The following NOXRED1 variants were observed in gnomAD, a reference collection of about 807,000 sequenced individuals.
The protein encoded by NOXRED1 is NADP dependent oxidoreductase domain containing 1.
A neutral mutation model predicts 30.4 loss-of-function variants in NOXRED1; 20 were observed. The observed-to-expected ratio is 0.66, with a 90% CI of 0.46 to 0.96. The LOEUF is 0.96. Ranked by LOEUF, NOXRED1 falls within the 40% of genes least tolerant of loss-of-function variation. The pLI is 0.00. For missense variants in NOXRED1, 374 were observed against 428.0 expected, an observed-to-expected ratio of 0.87 and a Z score of 1.11; for synonymous variants, 155 against 168.0, an observed-to-expected ratio of 0.92 and a Z score of 0.60.
rs764206431 is a variant in NOXRED1 at position 77,422,937 on chromosome 14, C to A, written c.-48G>T. The A allele has an allele frequency of 9.7e-6, 15 of 1,542,622 alleles. No individual in the cohort carries two copies. Among genetic ancestry groups the A allele is most frequent in the Non-Finnish European group, 1.3e-5 (15 of 1,131,344 alleles). Reference sequence around the variant, plus strand: ...GTGATAGACACTAATCAATTTGGCTCCCTGTCCCGGTAGAAGAGGGGTCTA... The same window carrying A: ...GTGATAGACACTAATCAATTTGGCTACCTGTCCCGGTAGAAGAGGGGTCTA... On this transcript the variant is annotated 5_prime_UTR_variant, in exon 1 of 6. Transcript: ENST00000380835.
chr14:77,403,609 T>A (rs914714378), intron 5 of NOXRED1, among the ~76,000 whole-genome samples: 3 of 151,982 alleles, frequency 2.0e-5, no homozygotes, highest in East Asian at 3.9e-4. Context: ...TGAGCCAACA[T>A]TACACACCAC....
At chr14:77,409,058 T>C (rs1894570140) in intron 2 of NOXRED1, among the ~76,000 whole-genome samples, 1 of 151,946 alleles carries the variant, frequency 6.6e-6, no homozygotes, top group Non-Finnish European at 1.5e-5. Flanking sequence ...AAGTGTTCAC[T>C]CACATCTGGT....
Position 77,406,047 on chromosome 14 carries a change from T to G in NOXRED1, c.771A>C (p.Gln257His). The G allele has an allele frequency of 6.2e-7, 1 of 1,613,920 alleles. No individual in the cohort carries two copies. Among genetic ancestry groups the G allele is most frequent in the South Asian group, 1.1e-5 (1 of 91,078 alleles). Residue 257 changes from glutamine (Q) to histidine (H), a missense_variant, in exon 5 of 6, where the codon CAA (glutamine) becomes CAC (histidine). Physicochemically the swap from Gln to His is conservative, Grantham distance 24. Transcript: ENST00000380835. Reference sequence around the variant, plus strand: ...AGAGTTCACTCAGAAGCTGCAGCACTTGGGAGTGGGCCATGTTTCTTGCTG... The same window carrying G: ...AGAGTTCACTCAGAAGCTGCAGCACGTGGGAGTGGGCCATGTTTCTTGCTG... ...ICTARNMAHS[Q>H]VLQLLSELFL...
chr14:77,403,574 T>G (rs1894381275), intron 5 of NOXRED1, among the ~76,000 whole-genome samples: 2 of 152,078 alleles, frequency 1.3e-5, no homozygotes, highest in Admixed American at 6.6e-5. Context: ...GAAGATCACG[T>G]GAGCCCAGGA....
intron 1 of NOXRED1, among the ~76,000 whole-genome samples, chr14:77,417,822 GT>G (rs886939621): frequency 7.4e-5 from 11 of 149,196 alleles, no homozygotes; most frequent in Admixed American, 4.7e-4. Context: ...CTGCCAGTTT[GT>G]TTTTTTCTCT....
intron 1 of NOXRED1, among the ~76,000 whole-genome samples, chr14:77,416,862 CG>C (rs1468977595): frequency 6.7e-6 from 1 of 149,736 alleles, no homozygotes; most frequent in Non-Finnish European, 1.5e-5. Flanking sequence ...CCGGACGGGG[CG>C]GCTGGCCGGG....
chr14:77,410,478 G>C (rs571052539), intron 2 of NOXRED1, among the ~76,000 whole-genome samples: 1 of 151,922 alleles, frequency 6.6e-6, no homozygotes, highest in East Asian at 1.9e-4. Flanking sequence ...GCATGGTGGT[G>C]TGTGCCTGTA....
chr14:77,423,187 T>G lies in NOXRED1; in HGVS notation c.-298A>C, dbSNP rs1483472435. The G allele has an allele frequency of 9.9e-6, 3 of 302,872 alleles. No homozygotes were observed. Among genetic ancestry groups the G allele is most frequent in the Non-Finnish European group, 1.8e-5 (3 of 164,430 alleles). The allele number at this position is 302,872 out of a possible 1,614,324, so 18.8% of individuals were successfully genotyped here. A position where few individuals can be genotyped will look rare whatever the true frequency, so the allele number is the denominator to read the frequency against. On this transcript the variant is annotated 5_prime_UTR_variant, in exon 1 of 6. The change abolishes the stop of an existing upstream ORF in the 5' untranslated region. Transcript: ENST00000380835. The stretch of plus-strand genomic sequence containing the variant: ...CCAAAGTATTGTTTCTCCACACAGG[T>G]TACAGGCACTGTTTTCGGCAGATGA...
chr14:77,414,701 C>G lies in NOXRED1; in HGVS notation c.156-574G>C, dbSNP rs146797707. Among the ~76,000 whole-genome samples, 404 of 152,284 alleles carry G rather than the reference C, an allele frequency of 2.7e-3. 2 individuals are homozygous for G. The highest frequency in any genetic ancestry group is 9.3e-3 in the African/African-American group (385 of 41,546). The stretch of plus-strand genomic sequence containing the variant: ...TGTTTTAAATGAACATACTTTGTTA[C>G]ATGTATTATGCTTGCCTGGTTAAAC... On this transcript the variant is annotated intron_variant, in intron 1 of 5. Transcript: ENST00000380835.
chr14:77,406,157 A>C, intron 4 of NOXRED1, 22 bp from the exon 5 acceptor site: 1 of 1,551,670 alleles, frequency 6.4e-7, no homozygotes, highest in Non-Finnish European at 8.9e-7. Context: ...TGAGAAGGTA[A>C]ATACCAGTTA....
At chr14:77,415,565 T>C (rs1286490762) in intron 1 of NOXRED1, among the ~76,000 whole-genome samples, 3 of 150,628 alleles carry the variant, frequency 2.0e-5, no homozygotes, top group African/African-American at 7.3e-5. Context: ...CAAGACTTGA[T>C]CTCAAAAAAA....
intron 4 of NOXRED1, 103 bp downstream of exon 4, chr14:77,406,620 CA>C: frequency 3.3e-6 from 3 of 911,698 alleles, no homozygotes; most frequent in Non-Finnish European, 3.5e-6. Context: ...CACACACACA[CA>C]CACACACACA....
At chr14:77,424,755 T>C (rs1177266887), upstream of NOXRED1, among the ~76,000 whole-genome samples, 1 of 152,202 alleles carries the variant, frequency 6.6e-6, no homozygotes, top group Non-Finnish European at 1.5e-5. Flanking sequence ...TTATGTCACC[T>C]TGGCTAGGCT....
intron 2 of NOXRED1, among the ~76,000 whole-genome samples, chr14:77,413,219 T>G (rs1894708736): frequency 2.6e-5 from 4 of 151,320 alleles, no homozygotes; most frequent in Admixed American, 2.0e-4. Context: ...TCTATCACCA[T>G]AAATGGAATC....
chr14:77,402,189 G>C (rs763517874), intron 5 of NOXRED1, among the ~76,000 whole-genome samples: 1 of 152,188 alleles, frequency 6.6e-6, no homozygotes, highest in Non-Finnish European at 1.5e-5. Flanking sequence ...CATAATTAAA[G>C]AATTTAAATA....
At chr14:77,398,961 T>A (rs1894253645) in intron 5 of NOXRED1, among the ~76,000 whole-genome samples, 1 of 151,734 alleles carries the variant, frequency 6.6e-6, no homozygotes, top group South Asian at 2.1e-4. Context: ...AGGGCAAGAC[T>A]CCGTCTCAAA....
At chr14:77,420,517 T>TACA (rs1894966098) in intron 1 of NOXRED1, among the ~76,000 whole-genome samples, 1 of 151,884 alleles carries the variant, frequency 6.6e-6, no homozygotes, top group African/African-American at 2.4e-5. Context: ...TTGTAATTTG[T>TACA]AATTACAAAT....
chr14:77,400,274 G>A (rs983058483), intron 5 of NOXRED1, among the ~76,000 whole-genome samples: 1 of 152,182 alleles, frequency 6.6e-6, no homozygotes, highest in South Asian at 2.1e-4. Context: ...GAAAAGAAGA[G>A]CACTGAAGAA....
intron 1 of NOXRED1, among the ~76,000 whole-genome samples, chr14:77,414,420 C>A (rs1025090973): frequency 4.6e-5 from 7 of 152,088 alleles, no homozygotes; most frequent in Non-Finnish European, 5.9e-5. Context: ...ACCTCGTGAT[C>A]CACCCGTGTT....
Sources: gnomAD v4.1 joint callset for allele counts (sites outside exome capture counted in the v4.1 genomes callset) on GRCh38, gnomAD v4.1.1 for gene constraint, MANE v1.5 for transcripts, NCBI Gene and HGNC (gene_info 2026-07-23, HGNC 2026-07-21) for gene names.